Variants in THNSL1 observed in about 807,000 individuals in gnomAD.
THNSL1 encodes the protein threonine synthase like 1.
In THNSL1, 48 loss-of-function variants were observed where a neutral mutation model predicts 50.4. That is an observed-to-expected ratio of 0.95 (90% CI 0.76 to 1.21). The LOEUF is 1.21. Among genes scored for constraint, THNSL1 ranks in the 50% most tolerant of loss-of-function variants. The pLI is 0.00. For synonymous variants in THNSL1, 309 were observed against 306.1 expected (o/e 1.01, Z -0.10); for missense variants, 896 against 871.7 (o/e 1.03, Z -0.35).
At chr10:24,990,520 G>A in the THNSL1 span, 1 of 1,613,728 alleles carries the variant, frequency 6.2e-7, no homozygotes, top group African/African-American at 1.3e-5. Flanking sequence ...CTTTCTTAAG[G>A]TTTTCCTGGA....
chr10:25,013,835 G>A (rs112406839), upstream of THNSL1, among the ~76,000 whole-genome samples: 4,394 of 152,084 alleles, frequency 0.029, 142 homozygotes, highest in African/African-American at 0.078. Flanking sequence ...CCAGCTACTC[G>A]GGAGGCTGAG....
At chr10:24,998,763 A>T in the THNSL1 span, among the ~76,000 whole-genome samples, 7 of 152,136 alleles carry the variant, frequency 4.6e-5, no homozygotes, top group Non-Finnish European at 1.0e-4. Context: ...GATCAAGTAT[A>T]TAATTTTTGA....
the THNSL1 span, among the ~76,000 whole-genome samples, chr10:24,988,704 A>ATG: frequency 8.6e-4 from 35 of 40,802 alleles, no homozygotes; most frequent in African/African-American, 4.9e-3. Flanking sequence ...ATATATATAT[A>ATG]TATATATATA....
the THNSL1 span, chr10:24,952,563 T>C: frequency 6.3e-7 from 1 of 1,590,760 alleles, no homozygotes; most frequent in Admixed American, 1.8e-5. This position sits in a 1 kb window ranked among gnomAD's most constrained non-coding sequence, Gnocchi z 5.1. Context: ...GCCTCCTCGC[T>C]GCTCCCGGCC....
At chr10:24,985,765 T>A in the THNSL1 span, among the ~76,000 whole-genome samples, 15 of 152,346 alleles carry the variant, frequency 9.8e-5, no homozygotes, top group East Asian at 2.7e-3. Flanking sequence ...TTTTAATTAT[T>A]CATTATGGGC....
the THNSL1 span, among the ~76,000 whole-genome samples, chr10:25,000,963 T>G: frequency 3.9e-5 from 6 of 152,094 alleles, no homozygotes; most frequent in African/African-American, 1.4e-4. Flanking sequence ...TAACATGTGG[T>G]ATGAGAACCT....
the THNSL1 span, among the ~76,000 whole-genome samples, chr10:25,003,405 C>T: frequency 6.6e-6 from 1 of 152,132 alleles, no homozygotes; most frequent in Non-Finnish European, 1.5e-5. Flanking sequence ...CAGGGTTTTA[C>T]CACGTTGGCC....
chr10:24,963,769 A>T, the THNSL1 span, among the ~76,000 whole-genome samples: 1 of 152,348 alleles, frequency 6.6e-6, no homozygotes, highest in East Asian at 1.9e-4. Flanking sequence ...AGAGAAAAAT[A>T]AAAACGGTAG....
Position 25,023,825 on chromosome 10 carries a change from T to A in THNSL1, c.602T>A (p.Val201Asp). ...TATAAGAAGTGGTATGATGCTCGTG[T>A]TTTCTGTGAAAGTGGGGCTTCCCCA... Reference protein sequence around the residue: ...QYYKKWYDARVFCESGASPEE... With the variant: ...QYYKKWYDARDFCESGASPEE... Residue 201 changes from valine (V) to aspartate (D), a missense_variant, in exon 3 of 3, where the codon GTT (valine) becomes GAT (aspartate). Val to Asp is a radical substitution (Grantham distance 152, BLOSUM62 -3). Coordinates refer to ENST00000376356, the MANE Select transcript of THNSL1 (RefSeq NM_024838.5). The A allele has an allele frequency of 6.2e-7, 1 of 1,614,234 alleles. No individual in the cohort carries two copies. Among genetic ancestry groups the A allele is most frequent in the Admixed American group, 1.7e-5 (1 of 60,032 alleles).
At chr10:24,982,479 C>G in the THNSL1 span, 1 of 152,104 alleles carries the variant, frequency 6.6e-6, no homozygotes, top group Non-Finnish European at 1.5e-5. Flanking sequence ...GAAGAGAAAC[C>G]AAGTCAAACT....
chr10:25,019,849 A>C (rs1240329166), intron 1 of THNSL1, among the ~76,000 whole-genome samples: 1 of 152,250 alleles, frequency 6.6e-6, no homozygotes, highest in African/African-American at 2.4e-5. Flanking sequence ...ATGATCATTC[A>C]ACAATATCCT....
the THNSL1 span, among the ~76,000 whole-genome samples, chr10:25,006,683 G>A: frequency 3.4e-4 from 52 of 152,204 alleles, no homozygotes; most frequent in Middle Eastern, 0.01. Flanking sequence ...GTATAAACAC[G>A]AAATAGTATC....
chr10:24,967,074 A>G, the THNSL1 span, among the ~76,000 whole-genome samples: 3 of 152,156 alleles, frequency 2.0e-5, no homozygotes. Context: ...TTTGCACATC[A>G]TAACAGGCCA....
upstream of THNSL1, chr10:25,015,740 A>T: frequency 2.2e-6 from 2 of 890,786 alleles, no homozygotes; most frequent in Non-Finnish European, 3.1e-6. Context: ...CTCCAAGGCT[A>T]CTTCATCGAG....
rs1168399617 is a variant in THNSL1, at chr10:25,025,297, C to T, written c.2074C>T (p.Leu692Phe). The change falls in exon 3 of 3, where the codon CTC (leucine) becomes TTC (phenylalanine). Residue 692 changes from leucine (L) to phenylalanine (F), a missense_variant. Transcript: ENST00000376356. ...KEINETSSSQLYLLGSYNALP... is the reference protein window; with the variant it reads ...KEINETSSSQFYLLGSYNALP... ...AATCAATGAGACTTCATCAAGTCAGCTCTATTTGCTGGGTTCATACAATGC... is the reference window on the plus strand; with the variant it reads ...AATCAATGAGACTTCATCAAGTCAGTTCTATTTGCTGGGTTCATACAATGC... The T allele has an allele frequency of 1.2e-6, 2 of 1,614,158 alleles. No individual in the cohort carries two copies. Among genetic ancestry groups the T allele is most frequent in the Non-Finnish European group, 1.7e-6 (2 of 1,180,038 alleles).
upstream of THNSL1, among the ~76,000 whole-genome samples, chr10:25,012,180 T>A (rs543858985): frequency 6.6e-6 from 1 of 152,328 alleles, no homozygotes; most frequent in African/African-American, 2.4e-5. Context: ...CCACCTAGAT[T>A]TCAAAGGTTG....
chr10:24,986,035 T>C, the THNSL1 span, among the ~76,000 whole-genome samples: 5,687 of 152,184 alleles, frequency 0.037, 144 homozygotes, highest in Non-Finnish European at 0.059. Context: ...GCCACTGCAC[T>C]CCAGCCTGAA....
the THNSL1 span, among the ~76,000 whole-genome samples, chr10:24,998,994 A>T: frequency 1.3e-5 from 2 of 152,226 alleles, no homozygotes; most frequent in Non-Finnish European, 1.5e-5. Flanking sequence ...TTGCTTCAAC[A>T]ACTGGTAGTA....
chr10:24,952,900 G>T, the THNSL1 span, among the ~76,000 whole-genome samples: 1 of 151,814 alleles, frequency 6.6e-6, no homozygotes, highest in Admixed American at 6.6e-5. The surrounding 1 kb of genome is among the most constrained non-coding windows in gnomAD (Gnocchi z 5.1). Context: ...GGATGGTCGC[G>T]TGCAGCCCCC....
Sources: allele counts gnomAD v4.1 joint callset (sites outside exome capture counted in the v4.1 genomes callset), GRCh38; gene constraint gnomAD v4.1.1; non-coding constraint Gnocchi (gnomAD v3.1); transcripts MANE v1.5; gene names NCBI Gene and HGNC (gene_info 2026-07-23, HGNC 2026-07-21).